Variants in R3HCC1L observed in about 807,000 individuals in gnomAD.
R3HCC1L encodes coiled-coil domain-containing protein R3HCC1L.
R3HCC1L carries 51 observed loss-of-function variants against 59.9 expected under a neutral mutation model. The observed-to-expected ratio is 0.85, with a 90% CI of 0.68 to 1.07. R3HCC1L has a LOEUF of 1.07. Among genes scored for constraint, R3HCC1L ranks in the 50% least tolerant of loss-of-function variants. The probability of loss-of-function intolerance (pLI) is 0.00; values close to 1 mark genes in which losing one functional copy is unlikely to be tolerated. For missense variants in R3HCC1L, 965 were observed against 933.0 expected, an observed-to-expected ratio of 1.03 and a Z score of -0.45; for synonymous variants, 322 against 315.2, an observed-to-expected ratio of 1.02 and a Z score of -0.23.
chr10:98,231,559 T>G lies in R3HCC1L; in HGVS notation c.1833T>G (p.Ser611=), dbSNP rs965278612. The G allele has an allele frequency of 1.2e-6, 2 of 1,613,256 alleles. No homozygotes were observed. Among genetic ancestry groups the G allele is most frequent in the Non-Finnish European group, 1.7e-6 (2 of 1,179,614 alleles). The change falls in exon 6 of 10, where the codon TCT becomes TCG. Residue 611 remains serine (S), a synonymous_variant. Coordinates refer to ENST00000298999, the MANE Select transcript of R3HCC1L (RefSeq NM_001351015.2). Reference sequence around the variant, plus strand: ...GAGAGAGCATCCAGGAACCTAGATCTGATTACTACAATCATGAAGTTCCTG... The same window carrying G: ...GAGAGAGCATCCAGGAACCTAGATCGGATTACTACAATCATGAAGTTCCTG... ...KSRESIQEPR[S]DYYNHEVPDI... is the part of the protein sequence containing the mutation.
chr10:98,140,444 CAG>C (rs1845029997), intron 1 of R3HCC1L, among the ~76,000 whole-genome samples: 1 of 151,954 alleles, frequency 6.6e-6, no homozygotes, highest in Non-Finnish European at 1.5e-5. Context: ...ATGCAATAGG[CAG>C]AGAGAGAGGA....
intron 4 of R3HCC1L, among the ~76,000 whole-genome samples, chr10:98,171,181 G>GT (rs1161133451): frequency 1.3e-5 from 2 of 152,144 alleles, no homozygotes; most frequent in African/African-American, 4.8e-5. Flanking sequence ...TGTAACCAAG[G>GT]TTCCAGTCTT....
chr10:98,149,250 C>G (rs1179340386), intron 1 of R3HCC1L, among the ~76,000 whole-genome samples: 2 of 151,956 alleles, frequency 1.3e-5, no homozygotes. Flanking sequence ...TTATTTGGGT[C>G]TTCACTTTTT....
intron 2 of R3HCC1L, among the ~76,000 whole-genome samples, chr10:98,158,824 T>G (rs1455113115): frequency 6.6e-6 from 1 of 151,146 alleles, no homozygotes; most frequent in African/African-American, 2.4e-5. Flanking sequence ...TTTTTTTTTT[T>G]GGAGATGGGG....
At chr10:98,172,625 A>G (rs1848625635) in intron 4 of R3HCC1L, among the ~76,000 whole-genome samples, 1 of 152,196 alleles carries the variant, frequency 6.6e-6, no homozygotes, top group Non-Finnish European at 1.5e-5. Flanking sequence ...TCCATCCATC[A>G]GTAGGATGAA....
At chr10:98,186,318 A>G (rs1245140330) in intron 4 of R3HCC1L, 2 of 169,560 alleles carry the variant, frequency 1.2e-5, no homozygotes, top group Admixed American at 6.5e-5. Context: ...TTCGGTTTTG[A>G]TGTTTGGCTT....
intron 4 of R3HCC1L, among the ~76,000 whole-genome samples, chr10:98,195,280 CAG>C (rs936558816): frequency 9.2e-5 from 14 of 152,170 alleles, no homozygotes; most frequent in African/African-American, 3.4e-4. Context: ...CTCATAGAAA[CAG>C]AAACTAGAAT....
Position 98,209,073 on chromosome 10 carries a change from G to T in R3HCC1L, c.959G>T (p.Ser320Ile). 6.2e-7 allele frequency: 1 copy of T among 1,613,966 alleles called. No homozygotes were observed. The highest frequency in any genetic ancestry group is 8.5e-7 in the Non-Finnish European group (1 of 1,179,900). Residue 320 changes from serine (S) to isoleucine (I), a missense_variant, in exon 5 of 10, where the codon AGC becomes ATC. Transcript: ENST00000298999. ...ATGGGTCACATCTCTCTGTCAGAGA[G>T]CACAAATGACACTGTTAGTCCAGTA... The part of the protein sequence containing the change: ...ATMGHISLSE[S>I]TNDTVSPVMI...
intron 4 of R3HCC1L, among the ~76,000 whole-genome samples, chr10:98,187,488 A>G (rs1850336645): frequency 6.6e-6 from 1 of 152,136 alleles, no homozygotes; most frequent in Admixed American, 6.6e-5. Flanking sequence ...AGGGCTAGTA[A>G]TGTAAAAATA....
chr10:98,210,945 G>A (rs1162918443), intron 5 of R3HCC1L, among the ~76,000 whole-genome samples: 1 of 152,188 alleles, frequency 6.6e-6, no homozygotes, highest in African/African-American at 2.4e-5. Flanking sequence ...CGGTCCATTG[G>A]ATAGAACTGA....
At chr10:98,191,569 G>T (rs979546726) in intron 4 of R3HCC1L, among the ~76,000 whole-genome samples, 17 of 152,186 alleles carry the variant, frequency 1.1e-4, no homozygotes, top group African/African-American at 4.1e-4. Context: ...TGTCAGATGA[G>T]TAGATTGCAA....
chr10:98,235,558 G>A, intron 8 of R3HCC1L, 38 bp downstream of exon 8: 1 of 1,503,256 alleles, frequency 6.7e-7, no homozygotes, highest in South Asian at 1.2e-5. Context: ...CTTGCTGATG[G>A]TGGTATTATT....
intron 4 of R3HCC1L, among the ~76,000 whole-genome samples, chr10:98,170,037 T>C (rs1313864439): frequency 6.6e-6 from 1 of 152,132 alleles, no homozygotes; most frequent in African/African-American, 2.4e-5. Context: ...TGATCATTTA[T>C]CCTTAATGGT....
chr10:98,213,924 T>C (rs557400677), intron 5 of R3HCC1L, among the ~76,000 whole-genome samples: 1 of 152,288 alleles, frequency 6.6e-6, no homozygotes, highest in South Asian at 2.1e-4. Context: ...ATGCAGTCAG[T>C]TGGGACATTC....
chr10:98,182,864 C>T (rs181142905), intron 4 of R3HCC1L, among the ~76,000 whole-genome samples: 253 of 152,312 alleles, frequency 1.7e-3, no homozygotes, highest in African/African-American at 5.5e-3. Flanking sequence ...GATATAATCT[C>T]CTGGTGTGCC....
At chr10:98,186,521 C>T (rs753635957) in intron 4 of R3HCC1L, 3 of 983,344 alleles carry the variant, frequency 3.1e-6, no homozygotes, top group Non-Finnish European at 3.6e-6. Context: ...TTAGAACTTA[C>T]ATTAGAGTGT....
rs77621921 is a variant in R3HCC1L, at chr10:98,212,355, T to A, written c.1785+2456T>A. On this transcript the variant is annotated intron_variant, in intron 5 of 9. Transcript: ENST00000298999. ...TCATCCCAGCTGGCCTGTTTCTTGA[T>A]TGATAGCAGCTAGACATATGGAGGT... Among the ~76,000 whole-genome samples the A allele has an allele frequency of 5.9e-3, 897 of 152,292 alleles. 5 individuals are homozygous for A. Among genetic ancestry groups the A allele is most frequent in the African/African-American group, 0.021 (860 of 41,572 alleles).
In R3HCC1L at chr10:98,222,694, A is replaced by G. The variant is rs538407261; in HGVS notation, c.1786-8818A>G. Reference sequence around the variant, plus strand: ...TGCTGGATTACATTTATTGATTTGCATATATTGAACCAGCCTTGCATCCAA... The same window carrying G: ...TGCTGGATTACATTTATTGATTTGCGTATATTGAACCAGCCTTGCATCCAA... On this transcript the variant is annotated intron_variant, in intron 5 of 9. Transcript: ENST00000298999. Among the ~76,000 whole-genome samples, 399 of 152,272 alleles carry G rather than the reference A, an allele frequency of 2.6e-3. 3 individuals are homozygous for G. The highest frequency in any genetic ancestry group is 8.9e-3 in the African/African-American group (369 of 41,566).
intron 4 of R3HCC1L, among the ~76,000 whole-genome samples, chr10:98,173,706 C>A (rs1339906943): frequency 6.6e-6 from 1 of 152,102 alleles, no homozygotes; most frequent in Non-Finnish European, 1.5e-5. Context: ...ACCCCTCCCC[C>A]TACTCTTTTT....
Sources: gnomAD v4.1 joint callset for allele counts (sites outside exome capture counted in the v4.1 genomes callset) on GRCh38, gnomAD v4.1.1 for gene constraint, MANE v1.5 for transcripts, NCBI Gene and HGNC (gene_info 2026-07-23, HGNC 2026-07-21) for gene names.